The following SYPL2 variants were observed in gnomAD, a reference collection of about 807,000 sequenced individuals.
The protein encoded by SYPL2 is synaptophysin-like protein 2.
A neutral mutation model predicts 31.3 loss-of-function variants in SYPL2; 24 were observed. The observed-to-expected ratio is 0.77, with a 90% CI of 0.56 to 1.08. The LOEUF is 1.08. SYPL2 is among the 50% of genes least tolerant of loss of function. The probability of loss-of-function intolerance (pLI) is 0.00; values close to 1 mark genes in which losing one functional copy is unlikely to be tolerated. For synonymous variants in SYPL2, 144 were observed against 143.1 expected (o/e 1.01, Z -0.05); for missense variants, 342 against 360.1 (o/e 0.95, Z 0.41).
chr1:109,468,047 A>T (rs902590428), intron 2 of SYPL2, among the ~76,000 whole-genome samples: 15 of 152,226 alleles, frequency 9.9e-5, no homozygotes, highest in Non-Finnish European at 1.3e-4. Flanking sequence ...GTTACAGTCT[A>T]GTGGAAATAC....
chr1:109,472,790 T>C (rs1433277545), intron 2 of SYPL2, among the ~76,000 whole-genome samples: 2 of 151,934 alleles, frequency 1.3e-5, no homozygotes, highest in Non-Finnish European at 2.9e-5. Context: ...TTTTTGTTTG[T>C]AGTTTCTGTA....
rs1655671814 is a variant in SYPL2, at chr1:109,467,119, A to G, written c.115A>G (p.Lys39Glu). 2 of 1,543,478 alleles carry G rather than the reference A, an allele frequency of 1.3e-6. No individual in the cohort carries two copies. The highest frequency in any genetic ancestry group is 2.0e-5 in the Admixed American group (1 of 50,838). The change falls in exon 2 of 6, where the codon AAA becomes GAA. Residue 39 changes from lysine (K) to glutamate (E), a missense_variant. By Grantham distance (56) the Lys-to-Glu change is moderately conservative. Coordinates refer to ENST00000369872, the MANE Select transcript of SYPL2 (RefSeq NM_001040709.2). ...GCTGGAGGAGCCGCTGGGCTTCATC[A>G]AAGTTCTCCAGTGGGTGAGTCGCTG... The part of the protein sequence containing the change: ...RRLEEPLGFI[K>E]VLQWLFAIFA...
At chr1:109,469,705 A>G (rs1187150279) in intron 2 of SYPL2, among the ~76,000 whole-genome samples, 1 of 151,420 alleles carries the variant, frequency 6.6e-6, no homozygotes, top group Non-Finnish European at 1.5e-5. Flanking sequence ...GTTGGGTGTG[A>G]TGACACATGC....
Position 109,476,258 on chromosome 1 carries a change from A to G in SYPL2, c.255-518A>G, listed in dbSNP as rs533251236. On this transcript the variant is annotated intron_variant, in intron 3 of 5. Transcript: ENST00000369872. ...ATGGGGATGAGGCTCACCTTTTCAG[A>G]AATTTCTAGTATCAGCACCCAAGTT... is the stretch of plus-strand genomic sequence containing the variant. Among the ~76,000 whole-genome samples, 5 of 152,318 alleles carry G rather than the reference A, an allele frequency of 3.3e-5. No homozygotes were observed. In the East Asian group the frequency reaches 7.7e-4, roughly 23 times the overall value.
chr1:109,479,324 GTT>G, intron 5 of SYPL2, 52 bp from the exon 6 acceptor site: 1 of 1,591,074 alleles, frequency 6.3e-7, no homozygotes, highest in Non-Finnish European at 8.6e-7. Context: ...CCCCCTCCCT[GTT>G]CCCACAATGA....
intron 2 of SYPL2, 61 bp downstream of exon 2, chr1:109,467,194 G>A: frequency 7.2e-7 from 1 of 1,387,788 alleles, no homozygotes; most frequent in East Asian, 3.2e-5. Flanking sequence ...CTGACCTGAA[G>A]CAATGGAGCC....
At chr1:109,475,812 A>T in intron 3 of SYPL2, 107 bp downstream of exon 3, 17 of 1,455,012 alleles carry the variant, frequency 1.2e-5, no homozygotes, top group Non-Finnish European at 1.6e-5. Flanking sequence ...ATTGCGTGCC[A>T]CTCCAGATTC....
In SYPL2 at chr1:109,466,784, C is replaced by T. The variant is rs779317647; in HGVS notation, c.-60C>T. 10 of 1,465,536 alleles carry T rather than the reference C, an allele frequency of 6.8e-6. No individual in the cohort carries two copies. Among genetic ancestry groups the T allele is most frequent in the Non-Finnish European group, 8.1e-6 (9 of 1,117,050 alleles). 90.8% of individuals were successfully genotyped at this position (1,465,536 alleles called of 1,614,324 possible). ...CAGCTCCCCGCTCCCCCGCCGTGTC[C>T]GCCGCCTCCCGGCCAGAGAGCCAAG... On this transcript the variant is annotated 5_prime_UTR_variant, in exon 1 of 6. Transcript: ENST00000369872.
At chr1:109,476,466 A>G (rs1325591111) in intron 3 of SYPL2, among the ~76,000 whole-genome samples, 1 of 152,182 alleles carries the variant, frequency 6.6e-6, no homozygotes, top group African/African-American at 2.4e-5. Flanking sequence ...CAGAAAGAGA[A>G]GAACTACATA....
intron 2 of SYPL2, among the ~76,000 whole-genome samples, chr1:109,469,540 A>AAAAAG (rs777144479): frequency 2.8e-5 from 4 of 144,206 alleles, no homozygotes; most frequent in Non-Finnish European, 6.0e-5. Flanking sequence ...GTTCAAGATA[A>AAAAAG]AAAAGAAAAG....
At chr1:109,473,750 C>T (rs1209477474) in intron 2 of SYPL2, among the ~76,000 whole-genome samples, 3 of 152,134 alleles carry the variant, frequency 2.0e-5, no homozygotes, top group Non-Finnish European at 2.9e-5. Context: ...AAAAAATTAG[C>T]TGGGCATGGT....
chr1:109,466,820 G>C lies in SYPL2; in HGVS notation c.-24G>C. On this transcript the variant is annotated 5_prime_UTR_variant, in exon 1 of 6. Transcript: ENST00000369872. ...GGCCAGAGAGCCAAGCCACCACGCC[G>C]CGCCCAGCGCTCGCCGCGCCAGCAT... The C allele has an allele frequency of 6.6e-7, 1 of 1,509,550 alleles. No homozygotes were observed. Among genetic ancestry groups the C allele is most frequent in the Non-Finnish European group, 8.8e-7 (1 of 1,136,352 alleles). The allele number at this position is 1,509,550 out of a possible 1,614,324, so 93.5% of individuals were successfully genotyped here.
chr1:109,470,327 G>A (rs1655792508), intron 2 of SYPL2, among the ~76,000 whole-genome samples: 2 of 152,204 alleles, frequency 1.3e-5, no homozygotes, highest in Non-Finnish European at 2.9e-5. Context: ...CGTGGGAGTA[G>A]GACCTGGGGA....
chr1:109,477,200 G>A (rs1037149425), intron 4 of SYPL2, among the ~76,000 whole-genome samples: 2 of 152,182 alleles, frequency 1.3e-5, no homozygotes, highest in African/African-American at 4.8e-5. Context: ...ATCCCAGCAT[G>A]GCCCCTTACT....
In SYPL2 at chr1:109,466,880, A is replaced by G; in HGVS notation, c.37A>G (p.Lys13Glu). The G allele has an allele frequency of 1.3e-6, 2 of 1,529,262 alleles. No homozygotes were observed. Among genetic ancestry groups the G allele is most frequent in the Non-Finnish European group, 1.7e-6 (2 of 1,143,856 alleles). 94.7% of individuals were successfully genotyped at this position (1,529,262 alleles called of 1,614,324 possible). A position where few individuals can be genotyped will look rare whatever the true frequency, so the allele number is the denominator to read the frequency against. Reference protein sequence around the residue: ...STESAGRTADKSPRQQVDRLL... With the variant: ...STESAGRTADESPRQQVDRLL... ...CGAGAGCGCCGGCCGCACGGCGGAC[A>G]AGTCGCCGCGCCAGCAGGTAGTCCC... Residue 13 changes from lysine (K) to glutamate (E), a missense_variant, in exon 1 of 6, where the codon AAG becomes GAG. By Grantham distance (56) the Lys-to-Glu change is moderately conservative (BLOSUM62 1). Coordinates refer to ENST00000369872, the MANE Select transcript of SYPL2 (RefSeq NM_001040709.2).
rs1305293824 is a variant in SYPL2, at chr1:109,478,200, G to A, written c.648+191G>A. 2.3e-5 allele frequency: 30 copies of A among 1,332,074 alleles called. No individual in the cohort carries two copies. The highest frequency in any genetic ancestry group is 2.8e-5 in the Non-Finnish European group (28 of 1,007,800). 82.5% of individuals were successfully genotyped at this position (1,332,074 alleles called of 1,614,324 possible). A position where few individuals can be genotyped will look rare whatever the true frequency, so the allele number is the denominator to read the frequency against. ...CCCTGAGAGGACATTTTGGGATGAG[G>A]GGAACCCAAAAGCCACTTAGCCTTC... On this transcript the variant is annotated intron_variant, in intron 5 of 5. Transcript: ENST00000369872. This position sits in a 1 kb window ranked among gnomAD's most constrained non-coding sequence, Gnocchi z 4.0.
At position 109,467,164 on chromosome 1, in the gene SYPL2, C is replaced by T. The variant is rs1366376616; in HGVS notation, c.129+31C>T. The T allele has an allele frequency of 6.0e-6, 9 of 1,488,568 alleles. No individual in the cohort carries two copies. The East Asian group carries it at 1.4e-4, about 23-fold the overall frequency. The allele number at this position is 1,488,568 out of a possible 1,614,324, so 92.2% of individuals were successfully genotyped here. ...TCGCTGCCCCGGCCCCGGGCTATTTCGGGAGCCTGGGCTGTGACGCTGACC... is the reference window on the plus strand; with the variant it reads ...TCGCTGCCCCGGCCCCGGGCTATTTTGGGAGCCTGGGCTGTGACGCTGACC... On this transcript the variant is annotated intron_variant, in intron 2 of 5. Transcript: ENST00000369872.
rs1042094526 is a variant in SYPL2 at position 109,476,774 on chromosome 1, A to T, written c.255-2A>T. On this transcript the variant is annotated splice_acceptor_variant, in intron 3 of 5. Coordinates refer to ENST00000369872, the MANE Select transcript of SYPL2 (RefSeq NM_001040709.2). LOFTEE classifies it high-confidence loss of function. ...CAGGATGGCCTCCCCTGCCACCTGC[A>T]GGTTGCACCGGATCCAATATGAGAT... 1.2e-6 allele frequency: 2 copies of T among 1,613,788 alleles called. No individual in the cohort carries two copies. Among genetic ancestry groups the T allele is most frequent in the Admixed American group, 1.7e-5 (1 of 59,976 alleles).
intron 2 of SYPL2, among the ~76,000 whole-genome samples, chr1:109,470,318 G>T (rs991677488): frequency 6.6e-6 from 1 of 152,198 alleles, no homozygotes; most frequent in Middle Eastern, 3.2e-3. Flanking sequence ...TGAGATAAGC[G>T]TGGGAGTAGG....
Sources: gnomAD v4.1 joint callset for allele counts (sites outside exome capture counted in the v4.1 genomes callset) on GRCh38, gnomAD v4.1.1 for gene constraint, Gnocchi (gnomAD v3.1) non-coding constraint, MANE v1.5 for transcripts, NCBI Gene and HGNC (gene_info 2026-07-23, HGNC 2026-07-21) for gene names.